WWOX: variants seen among roughly 807,000 people sequenced by gnomAD.
The protein encoded by WWOX is WW domain-containing oxidoreductase.
Under a neutral mutation model 46.2 loss-of-function variants are expected in WWOX, and 69 were observed. The observed-to-expected ratio is 1.49, with a 90% CI of 1.23 to 1.82. The LOEUF (loss-of-function observed/expected upper bound fraction) is 1.82, where lower values mean the gene tolerates loss of function less well. WWOX is among the 40% of genes most tolerant of loss of function. WWOX has a pLI of 0.00. For synonymous variants in WWOX, 359 were observed against 202.6 expected, an observed-to-expected ratio of 1.77 and a Z score of -6.56; for missense variants, 919 against 542.6, an observed-to-expected ratio of 1.69 and a Z score of -6.89.
At chr16:78,138,136 G>C (rs2033864027) in intron 4 of WWOX, among the ~76,000 whole-genome samples, 1 of 150,736 alleles carries the variant, frequency 6.6e-6, no homozygotes, top group Non-Finnish European at 1.5e-5. Context: ...CTGATGGTAG[G>C]ACTGTAGAAG....
intron 8 of WWOX, among the ~76,000 whole-genome samples, chr16:78,657,563 C>T (rs2142161519): frequency 6.6e-6 from 1 of 152,272 alleles, no homozygotes; most frequent in Non-Finnish European, 1.5e-5. Flanking sequence ...AAGACGTGAC[C>T]CTGGCCGGGA....
chr16:79,078,219 G>T (rs1340669058), intron 8 of WWOX: 1 of 152,176 alleles, frequency 6.6e-6, no homozygotes, highest in East Asian at 1.9e-4. Flanking sequence ...TGTGGCTCCA[G>T]TATTTTTCTA....
At chr16:78,334,806 A>ACG (rs144097796) in intron 5 of WWOX, among the ~76,000 whole-genome samples, 143 of 130,808 alleles carry the variant, frequency 1.1e-3, no homozygotes, top group African/African-American at 2.3e-3. Context: ...ACACACACAC[A>ACG]CGCACACACA....
chr16:78,619,145 ATATATATATATATAT>A lies in WWOX; in HGVS notation c.1056+186394_1056+186408del, dbSNP rs2046110270. ...ACCCCATTTCTACTAAAAAAAAAATATATATATATATATATATATATATATATATATATATATATA... is the reference window on the plus strand; with the variant it reads ...ACCCCATTTCTACTAAAAAAAAAATAATATATATATATATATATATATATA... On this transcript the variant is annotated intron_variant, in intron 8 of 8. Transcript: ENST00000566780. Among the ~76,000 whole-genome samples, 4 of 3,258 alleles carry A rather than the reference ATATATATATATATAT, an allele frequency of 1.2e-3. 1 individual carries two copies. The highest frequency in any genetic ancestry group is 1.4e-3 in the African/African-American group (1 of 708). The allele number at this position is 3,258 out of a possible 152,430, so 2.1% of individuals were successfully genotyped here. A position where few individuals can be genotyped will look rare whatever the true frequency, so the allele number is the denominator to read the frequency against.
chr16:79,002,526 G>T (rs1247277498), intron 8 of WWOX, among the ~76,000 whole-genome samples: 2 of 152,002 alleles, frequency 1.3e-5, no homozygotes, highest in Non-Finnish European at 2.9e-5. Flanking sequence ...CCCGGCCCCT[G>T]CCTTTTTATT....
chr16:78,952,428 G>A (rs913858272), intron 8 of WWOX, among the ~76,000 whole-genome samples: 1 of 146,058 alleles, frequency 6.8e-6, no homozygotes, highest in Non-Finnish European at 1.5e-5. Context: ...TGTCCCCCAC[G>A]CTGGAGTACA....
At chr16:79,065,959 AT>A (rs2048433516) in intron 8 of WWOX, among the ~76,000 whole-genome samples, 1 of 152,108 alleles carries the variant, frequency 6.6e-6, no homozygotes, top group African/African-American at 2.4e-5. Flanking sequence ...TCATTAGCTC[AT>A]GTCTCTCCTC....
At chr16:78,534,450 C>T (rs148296860) in intron 8 of WWOX, 19 of 152,076 alleles carry the variant, frequency 1.2e-4, no homozygotes, top group African/African-American at 4.1e-4. Flanking sequence ...GTGTAATTTC[C>T]CTGGAAACTC....
chr16:78,312,630 C>T (rs923072823), intron 5 of WWOX, among the ~76,000 whole-genome samples: 1 of 152,278 alleles, frequency 6.6e-6, no homozygotes, highest in Non-Finnish European at 1.5e-5. Context: ...CTACCTTGGC[C>T]TCCCAAAGTG....
intron 8 of WWOX, among the ~76,000 whole-genome samples, chr16:79,055,266 T>C (rs533866626): frequency 8.0e-5 from 12 of 150,062 alleles, no homozygotes; most frequent in Non-Finnish European, 1.8e-4. Context: ...CTAATTAACA[T>C]TACATTTTGC....
chr16:78,415,630 G>T (rs997461106), intron 6 of WWOX, among the ~76,000 whole-genome samples: 15 of 152,084 alleles, frequency 9.9e-5, no homozygotes, highest in African/African-American at 1.9e-4. Flanking sequence ...TCACAAAGGG[G>T]GTTTCAGAAA....
intron 8 of WWOX, among the ~76,000 whole-genome samples, chr16:79,177,477 C>G (rs1202249173): frequency 1.3e-5 from 2 of 152,172 alleles, no homozygotes; most frequent in Non-Finnish European, 2.9e-5. Flanking sequence ...AGCAACCCAA[C>G]AAAGCTTTTA....
intron 5 of WWOX, among the ~76,000 whole-genome samples, chr16:78,193,413 G>T (rs1042539301): frequency 6.6e-6 from 1 of 152,004 alleles, no homozygotes; most frequent in Non-Finnish European, 1.5e-5. Flanking sequence ...TTTCAAAAGG[G>T]AAAAAAGAAA....
intron 8 of WWOX, among the ~76,000 whole-genome samples, chr16:78,943,055 T>C (rs1204949005): frequency 1.3e-5 from 2 of 152,204 alleles, no homozygotes; most frequent in Admixed American, 6.5e-5. Context: ...TGCTTCCTGT[T>C]TTGTTAAATA....
At chr16:78,436,757 T>C (rs1382987241) in intron 8 of WWOX, among the ~76,000 whole-genome samples, 2 of 151,970 alleles carry the variant, frequency 1.3e-5, no homozygotes, top group African/African-American at 4.8e-5. Flanking sequence ...GACCTCGGGT[T>C]GGTCATTTTC....
At position 79,212,325 on chromosome 16, in the gene WWOX, T is replaced by C; in HGVS notation, c.*529T>C. 1.3e-6 allele frequency: 1 copy of C among 776,958 alleles called. No individual in the cohort carries two copies. The highest frequency in any genetic ancestry group is 2.1e-5 in the South Asian group (1 of 47,552). 48.1% of individuals were successfully genotyped at this position (776,958 alleles called of 1,614,324 possible). On this transcript the variant is annotated 3_prime_UTR_variant, in exon 9 of 9. Coordinates refer to ENST00000566780, the MANE Select transcript of WWOX (RefSeq NM_016373.4). ...GCTGGGGAGACAAATCTCAGAACCT[T>C]GTCCCAGCCAGTGAGGATGACAGTG...
At chr16:78,880,280 T>G (rs1007569394) in intron 8 of WWOX, among the ~76,000 whole-genome samples, 1 of 152,236 alleles carries the variant, frequency 6.6e-6, no homozygotes, top group Non-Finnish European at 1.5e-5. Context: ...AGGCTATTTT[T>G]TATTTTATTT....
chr16:78,955,985 AAAAAAC>A (rs1278822980), intron 8 of WWOX, among the ~76,000 whole-genome samples: 1 of 150,738 alleles, frequency 6.6e-6, no homozygotes, highest in Non-Finnish European at 1.5e-5. Flanking sequence ...AACAAAAAAC[AAAAAAC>A]AAAAAAAAAC....
At chr16:78,601,259 C>G (rs542802820) in intron 8 of WWOX, among the ~76,000 whole-genome samples, 1 of 152,278 alleles carries the variant, frequency 6.6e-6, no homozygotes, top group African/African-American at 2.4e-5. Flanking sequence ...AGCCGGGTCC[C>G]TCTTTGCCCC....
Sources: gnomAD v4.1 joint callset for allele counts (sites outside exome capture counted in the v4.1 genomes callset) on GRCh38, gnomAD v4.1.1 for gene constraint, MANE v1.5 for transcripts, NCBI Gene and HGNC (gene_info 2026-07-23, HGNC 2026-07-21) for gene names.